The following MYT1L variants were observed in gnomAD, a reference collection of about 807,000 sequenced individuals.
MYT1L encodes myelin transcription factor 1-like protein.
Under a neutral mutation model 126.7 loss-of-function variants are expected in MYT1L, and 12 were observed. That is an observed-to-expected ratio of 0.09 (90% CI 0.06 to 0.15). The LOEUF (loss-of-function observed/expected upper bound fraction) is 0.15. Among genes scored for constraint, MYT1L ranks in the 10% least tolerant of loss-of-function variants. MYT1L has a pLI of 1.00. For synonymous variants in MYT1L, 541 were observed against 604.2 expected, an observed-to-expected ratio of 0.90 and a Z score of 1.53; for missense variants, 979 against 1,585.2, an observed-to-expected ratio of 0.62 and a Z score of 6.49.
At chr2:1,869,325 C>T (rs1022990202) in intron 18 of MYT1L, among the ~76,000 whole-genome samples, 5 of 152,236 alleles carry the variant, frequency 3.3e-5, no homozygotes, top group African/African-American at 1.2e-4. Context: ...GGTTCAGGGA[C>T]GATGGCGCAG....
At chr2:1,958,834 C>T (rs548563862) in intron 8 of MYT1L, among the ~76,000 whole-genome samples, 27 of 151,942 alleles carry the variant, frequency 1.8e-4, no homozygotes, top group South Asian at 1.0e-3. Context: ...TCTGGTTTTC[C>T]GGCTGTTCAC....
intron 13 of MYT1L, among the ~76,000 whole-genome samples, chr2:1,905,721 G>A (rs2050964817): frequency 6.6e-6 from 1 of 152,130 alleles, no homozygotes. Flanking sequence ...TGCAAATATT[G>A]CCTGTACCTC....
intron 3 of MYT1L, among the ~76,000 whole-genome samples, chr2:2,119,368 A>G (rs1443601433): frequency 6.6e-6 from 1 of 152,252 alleles, no homozygotes; most frequent in Non-Finnish European, 1.5e-5. Flanking sequence ...AGTCTAAGGT[A>G]AAAACTCATA....
chr2:2,245,800 A>T (rs1166417402), intron 2 of MYT1L, among the ~76,000 whole-genome samples: 2 of 152,094 alleles, frequency 1.3e-5, no homozygotes, highest in Non-Finnish European at 2.9e-5. Flanking sequence ...ATTCTGATCC[A>T]TTCTTCCAAT....
intron 10 of MYT1L, among the ~76,000 whole-genome samples, chr2:1,920,894 C>A (rs13404264): frequency 6.6e-6 from 1 of 152,188 alleles, no homozygotes; most frequent in Non-Finnish European, 1.5e-5. Flanking sequence ...AACACTGCAA[C>A]GGGCAAAGCT....
At chr2:1,985,013 C>T (rs2060903307) in intron 5 of MYT1L, among the ~76,000 whole-genome samples, 1 of 152,116 alleles carries the variant, frequency 6.6e-6, no homozygotes, top group Non-Finnish European at 1.5e-5. Context: ...CTCTCCCCTC[C>T]CCGACAGAGT....
intron 3 of MYT1L, among the ~76,000 whole-genome samples, chr2:2,162,343 C>G (rs1179576814): frequency 6.6e-6 from 1 of 151,724 alleles, no homozygotes; most frequent in Non-Finnish European, 1.5e-5. Context: ...TGTCTAGGGT[C>G]CACAGAGAAA....
intron 8 of MYT1L, among the ~76,000 whole-genome samples, chr2:1,969,946 C>T (rs1035956259): frequency 3.9e-5 from 6 of 152,200 alleles, no homozygotes; most frequent in Admixed American, 6.5e-5. Flanking sequence ...CCAGGTACTG[C>T]AGGCAGCAGC....
At chr2:2,200,255 C>G (rs1477992964) in intron 2 of MYT1L, among the ~76,000 whole-genome samples, 2 of 152,278 alleles carry the variant, frequency 1.3e-5, no homozygotes, top group East Asian at 3.9e-4. Context: ...GAAATTAATG[C>G]AACGTTATTC....
In MYT1L at chr2:2,104,781, G is replaced by C. The variant is rs116416485; in HGVS notation, c.-303-50658C>G. Among the ~76,000 whole-genome samples, 851 of 152,286 alleles carry C rather than the reference G, an allele frequency of 5.6e-3. 5 individuals carry two copies. The highest frequency in any genetic ancestry group is 0.02 in the African/African-American group (814 of 41,558). ...TCTCTCAGGCACTGGGGGACTCTGA[G>C]GGTTCTGCATGGTTGGGGGAGGGCA... On this transcript the variant is annotated intron_variant, in intron 3 of 24. Transcript: ENST00000647738.
At chr2:2,255,919 C>G (rs1377433596) in intron 2 of MYT1L, among the ~76,000 whole-genome samples, 12 of 152,218 alleles carry the variant, frequency 7.9e-5, no homozygotes, top group Admixed American at 7.2e-4. Flanking sequence ...TTACCCTTTA[C>G]TGAGTCTGAA....
intron 3 of MYT1L, among the ~76,000 whole-genome samples, chr2:2,087,567 G>A (rs530940398): frequency 5.3e-5 from 8 of 152,214 alleles, no homozygotes; most frequent in African/African-American, 7.2e-5. Context: ...ATACAGCTTC[G>A]GCAAGGTTGG....
Position 1,801,419 on chromosome 2 carries a change from A to G in MYT1L, c.3276+277T>C. The G allele has an allele frequency of 3.0e-6, 1 of 328,204 alleles. No homozygotes were observed. Among genetic ancestry groups the G allele is most frequent in the Non-Finnish European group, 5.5e-6 (1 of 182,414 alleles). 20.3% of individuals were successfully genotyped at this position (328,204 alleles called of 1,614,324 possible). On this transcript the variant is annotated intron_variant, in intron 23 of 24. Transcript: ENST00000647738. The surrounding 1 kb of genome is among the most constrained non-coding windows in gnomAD (Gnocchi z 4.2). ...GAAAACCTTCATTGTTTGCAGGAAC[A>G]GGCGATCCTCTGAAAATGCCTATTC...
chr2:1,931,772 T>C (rs1229521085), intron 9 of MYT1L, among the ~76,000 whole-genome samples: 1 of 152,138 alleles, frequency 6.6e-6, no homozygotes, highest in Non-Finnish European at 1.5e-5. Flanking sequence ...CTGAAGTTTG[T>C]TTCCCTGTGC....
intron 11 of MYT1L, among the ~76,000 whole-genome samples, chr2:1,915,767 G>A (rs1360319966): frequency 1.3e-5 from 2 of 152,200 alleles, no homozygotes; most frequent in Non-Finnish European, 2.9e-5. Flanking sequence ...GCTTACTTGA[G>A]TAAGTTAGTA....
At chr2:2,293,908 G>A (rs965743622) in intron 1 of MYT1L, among the ~76,000 whole-genome samples, 17 of 152,306 alleles carry the variant, frequency 1.1e-4, no homozygotes, top group South Asian at 4.1e-4. Flanking sequence ...TGCTTGGCGC[G>A]CCTCTGAGGG....
At chr2:1,819,017 C>G (rs942056722) in intron 21 of MYT1L, among the ~76,000 whole-genome samples, 1 of 152,122 alleles carries the variant, frequency 6.6e-6, no homozygotes, top group Admixed American at 6.5e-5. Context: ...GCTCCCAGAC[C>G]AGGTCCCTCC....
chr2:2,309,105 T>G (rs1272692226), intron 1 of MYT1L, among the ~76,000 whole-genome samples: 4 of 151,890 alleles, frequency 2.6e-5, no homozygotes, highest in Non-Finnish European at 5.9e-5. Context: ...CAGTGTACTC[T>G]ACTCATACTC....
chr2:2,197,441 C>T (rs547142095), intron 2 of MYT1L, among the ~76,000 whole-genome samples: 1 of 152,082 alleles, frequency 6.6e-6, no homozygotes, highest in Non-Finnish European at 1.5e-5. Context: ...CAGATGAGCG[C>T]ATAAAAACAT....
Sources: allele counts gnomAD v4.1 joint callset (sites outside exome capture counted in the v4.1 genomes callset), GRCh38; gene constraint gnomAD v4.1.1; non-coding constraint Gnocchi (gnomAD v3.1); transcripts MANE v1.5; gene names NCBI Gene and HGNC (gene_info 2026-07-23, HGNC 2026-07-21).